The following AP3B1 variants were observed in gnomAD, a reference collection of about 807,000 sequenced individuals.
The protein encoded by AP3B1 is adaptor related protein complex 3 subunit beta 1.
In AP3B1, 61 loss-of-function variants were observed where a neutral mutation model predicts 132.5. That is an observed-to-expected ratio of 0.46 (90% CI 0.37 to 0.57). The LOEUF is 0.57. Ranked by LOEUF, AP3B1 falls within the 20% of genes least tolerant of loss-of-function variation. The probability of loss-of-function intolerance (pLI) is 0.00; values close to 1 mark genes in which losing one functional copy is unlikely to be tolerated. For synonymous variants in AP3B1, 388 were observed against 438.3 expected (o/e 0.89, Z 1.43); for missense variants, 1,120 against 1,289.4 (o/e 0.87, Z 2.01).
At chr5:78,185,581 CAA>C (rs1167417823) in intron 7 of AP3B1, among the ~76,000 whole-genome samples, 1 of 152,092 alleles carries the variant, frequency 6.6e-6, no homozygotes, top group Non-Finnish European at 1.5e-5. Context: ...AGAAGCTGCA[CAA>C]AGAGATATAT....
chr5:78,037,596 G>A (rs908423434), intron 23 of AP3B1, among the ~76,000 whole-genome samples: 6 of 151,882 alleles, frequency 4.0e-5, no homozygotes, highest in East Asian at 3.9e-4. Flanking sequence ...TTTCTTTACC[G>A]AAAGATTCAT....
intron 2 of AP3B1, among the ~76,000 whole-genome samples, chr5:78,261,006 A>G (rs1318956958): frequency 6.6e-6 from 1 of 152,248 alleles, no homozygotes; most frequent in Non-Finnish European, 1.5e-5. Context: ...TCGTTTATTC[A>G]TCCACTGATG....
At chr5:78,242,447 C>T (rs1301380559) in intron 2 of AP3B1, among the ~76,000 whole-genome samples, 1 of 152,170 alleles carries the variant, frequency 6.6e-6, no homozygotes, top group African/African-American at 2.4e-5. Flanking sequence ...CACTCTGTCG[C>T]CCAGCCTGGA....
intron 3 of AP3B1, among the ~76,000 whole-genome samples, chr5:78,229,890 T>C (rs1405705820): frequency 6.6e-6 from 1 of 152,212 alleles, no homozygotes; most frequent in Non-Finnish European, 1.5e-5. Flanking sequence ...CTAACCAATC[T>C]GGACTACTTT....
chr5:78,225,638 T>C (rs759667928), intron 5 of AP3B1, 30 bp from the exon 6 acceptor site: 1 of 1,415,774 alleles, frequency 7.1e-7, no homozygotes, highest in Admixed American at 1.7e-5. Context: ...CATATTAATT[T>C]TTCCCTTTAA....
chr5:78,165,036 A>T (rs1743550400), intron 12 of AP3B1, among the ~76,000 whole-genome samples: 2 of 152,206 alleles, frequency 1.3e-5, no homozygotes, highest in African/African-American at 4.8e-5. Context: ...CCTTTCCATC[A>T]TAAAGGGTAT....
At chr5:78,215,987 G>T in intron 7 of AP3B1, 68 bp downstream of exon 7, 2 of 1,497,728 alleles carry the variant, frequency 1.3e-6, no homozygotes, top group Non-Finnish European at 1.9e-6. Flanking sequence ...CTAATTTTTT[G>T]CCCAAGTTTT....
At chr5:78,285,957 G>A (rs1312685653) in intron 1 of AP3B1, among the ~76,000 whole-genome samples, 2 of 152,086 alleles carry the variant, frequency 1.3e-5, no homozygotes, top group East Asian at 3.9e-4. Flanking sequence ...TAGTTCAAGA[G>A]GCAAAATGTC....
intron 2 of AP3B1, among the ~76,000 whole-genome samples, chr5:78,260,784 G>A (rs1368503225): frequency 6.6e-6 from 1 of 152,240 alleles, no homozygotes; most frequent in East Asian, 1.9e-4. Context: ...CCCCCTAGCT[G>A]CTGGCAACCA....
At chr5:78,118,444 C>T (rs567623397) in intron 17 of AP3B1, among the ~76,000 whole-genome samples, 12 of 152,294 alleles carry the variant, frequency 7.9e-5, no homozygotes, top group East Asian at 1.9e-4. Context: ...GGGTGACAGA[C>T]GGCACCTGGA....
intron 22 of AP3B1, among the ~76,000 whole-genome samples, chr5:78,040,980 AATC>A (rs1748055509): frequency 3.3e-5 from 5 of 152,346 alleles, no homozygotes; most frequent in African/African-American, 1.2e-4. Flanking sequence ...AATTTAAAAT[AATC>A]ATCACCTCTG....
At chr5:78,242,960 T>C (rs1173187395) in intron 2 of AP3B1, among the ~76,000 whole-genome samples, 3 of 152,220 alleles carry the variant, frequency 2.0e-5, no homozygotes, top group African/African-American at 7.2e-5. Context: ...TAAAAAGATA[T>C]TAGCTTTATT....
rs376978572 is a variant in AP3B1, at chr5:78,129,254, G to A, written c.1704C>T (p.Tyr568=). 46 of 1,613,240 alleles carry A rather than the reference G, an allele frequency of 2.9e-5. No homozygotes were observed. The highest frequency in any genetic ancestry group is 7.7e-5 in the South Asian group (7 of 91,060). The change falls in exon 16 of 27, where the codon TAC becomes TAT. Residue 568 remains tyrosine (Y), a synonymous_variant. Transcript: ENST00000255194. Reference sequence around the variant, plus strand: ...TAAATCTTGTACGGTCTCTGATGTCGTAGTTTTGATCATACTTGCCGAGAT... The same window carrying A: ...TAAATCTTGTACGGTCTCTGATGTCATAGTTTTGATCATACTTGCCGAGAT... ...ILNLGKYDQN[Y]DIRDRTRFIR...
chr5:78,093,297 A>T (rs1715467166), intron 21 of AP3B1, among the ~76,000 whole-genome samples: 1 of 152,178 alleles, frequency 6.6e-6, no homozygotes, highest in Non-Finnish European at 1.5e-5. Context: ...GGGCTTAAGC[A>T]ATCCTCCCGC....
chr5:78,093,961 C>T (rs1038363211), intron 21 of AP3B1, among the ~76,000 whole-genome samples: 7 of 152,226 alleles, frequency 4.6e-5, no homozygotes, highest in Admixed American at 6.5e-5. Context: ...CTCTTAGTGA[C>T]TCCACTCTAC....
At chr5:78,191,589 T>C (rs528916775) in intron 7 of AP3B1, among the ~76,000 whole-genome samples, 1 of 152,174 alleles carries the variant, frequency 6.6e-6, no homozygotes, top group East Asian at 1.9e-4. Context: ...ATCATCTCAA[T>C]CCATAATTGA....
At chr5:78,042,093 T>C in intron 22 of AP3B1, 1 of 190,574 alleles carries the variant, frequency 5.2e-6, no homozygotes, top group South Asian at 1.3e-4. Flanking sequence ...TCTGTGCCTC[T>C]TTCATGCAGG....
At chr5:78,161,904 A>G (rs1418536957) in intron 13 of AP3B1, among the ~76,000 whole-genome samples, 1 of 152,042 alleles carries the variant, frequency 6.6e-6, no homozygotes, top group African/African-American at 2.4e-5. Context: ...AGATTATAGG[A>G]TTCTTGTACT....
chr5:78,043,679 C>T, intron 22 of AP3B1: 1 of 442,688 alleles, frequency 2.3e-6, no homozygotes, highest in Non-Finnish European at 4.5e-6. Flanking sequence ...AGCAGAGACT[C>T]CCAGGCATAC....
Sources: allele counts gnomAD v4.1 joint callset (sites outside exome capture counted in the v4.1 genomes callset), GRCh38; gene constraint gnomAD v4.1.1; transcripts MANE v1.5; gene names NCBI Gene and HGNC (gene_info 2026-07-23, HGNC 2026-07-21).